Variants in UGT1A6 observed in about 807,000 individuals in gnomAD.
UGT1A6 encodes the protein UDP glucuronosyltransferase family 1 member A6.
In UGT1A6, 32 loss-of-function variants were observed where a neutral mutation model predicts 44.4. The ratio of observed to expected loss-of-function variants is 0.72; its 90% confidence interval spans 0.54 to 0.97. The LOEUF is 0.97. Among genes scored for constraint, UGT1A6 ranks in the 50% least tolerant of loss-of-function variants. UGT1A6 has a pLI of 0.00. For missense variants in UGT1A6, 685 were observed against 661.9 expected (o/e 1.03, Z -0.38); for synonymous variants, 238 against 248.5 (o/e 0.96, Z 0.40).
chr2:233,767,774 T>C lies in UGT1A6; in HGVS notation c.994-75T>C, dbSNP rs749703763. On this transcript the variant is annotated intron_variant, in intron 2 of 4. Transcript: ENST00000305139. ...GTTCCTTCAGAGGACCCCTGTTTTC[T>C]AGTTAGTATAGCAGATTTGTTTTCT... The C allele has an allele frequency of 2.2e-5, 36 of 1,612,214 alleles. No homozygotes were observed. In the South Asian group the frequency reaches 3.9e-4, roughly 17 times the overall value.
chr2:233,743,560 C>T (rs1242175284), intron 1 of UGT1A6: 1 of 1,367,302 alleles, frequency 7.3e-7, no homozygotes. Context: ...AAATATTCTC[C>T]AGCGGGTTTC....
chr2:233,747,565 A>G, intron 1 of UGT1A6: 1 of 1,593,778 alleles, frequency 6.3e-7, no homozygotes, highest in Non-Finnish European at 8.6e-7. Flanking sequence ...GCAATTTTGA[A>G]AAATTCATCT....
chr2:233,712,941 TA>T (rs2076262183), intron 1 of UGT1A6: 1 of 1,612,448 alleles, frequency 6.2e-7, no homozygotes, highest in Non-Finnish European at 8.5e-7. Context: ...GAAACAATTC[TA>T]GGAGGCACAA....
chr2:233,746,859 GC>G lies in UGT1A6; in HGVS notation c.862-20173del, dbSNP rs776256702. Among the ~76,000 whole-genome samples the G allele has an allele frequency of 2.4e-3, 366 of 151,912 alleles. 1 individual carries two copies. Among genetic ancestry groups the G allele is most frequent in the Non-Finnish European group, 3.4e-3 (229 of 68,008 alleles). ...GGGGACCTCTCAGACCTCAGCTGCA[GC>G]CTGATAAACGTGGTTAACAGAGAAG... On this transcript the variant is annotated intron_variant, in intron 1 of 4. Coordinates refer to ENST00000305139, the MANE Select transcript of UGT1A6 (RefSeq NM_001072.4).
intron 1 of UGT1A6, among the ~76,000 whole-genome samples, chr2:233,706,094 T>TA (rs141668784): frequency 0.11 from 16,459 of 151,402 alleles, 1,013 homozygotes; most frequent in South Asian, 0.2. Flanking sequence ...GATTCTGTCT[T>TA]AAAAAAAAAC....
chr2:233,754,442 A>C (rs1695486969), intron 1 of UGT1A6: 2 of 350,172 alleles, frequency 5.7e-6, no homozygotes, highest in African/African-American at 4.3e-5. Flanking sequence ...AGTGTTTATA[A>C]ATTCTTGGGT....
chr2:233,706,605 TAAG>T (rs1165362415), intron 1 of UGT1A6, among the ~76,000 whole-genome samples: 1 of 152,152 alleles, frequency 6.6e-6, no homozygotes, highest in Non-Finnish European at 1.5e-5. Flanking sequence ...AAGTATGTGA[TAAG>T]AAGACTAGAG....
intron 1 of UGT1A6, among the ~76,000 whole-genome samples, chr2:233,751,294 T>C (rs985259482): frequency 6.6e-6 from 1 of 151,990 alleles, no homozygotes; most frequent in African/African-American, 2.4e-5. Flanking sequence ...CCATTTGGAA[T>C]GGGAATATTT....
rs531044910 is a variant in UGT1A6, at chr2:233,751,112, A to G, written c.862-15922A>G. 2.6e-5 allele frequency among the ~76,000 whole-genome samples: 4 copies of G among 152,082 alleles called. No homozygotes were observed. The South Asian group carries it at 8.3e-4, about 32-fold the overall frequency. On this transcript the variant is annotated intron_variant, in intron 1 of 4. Transcript: ENST00000305139. ...GGAGGAGGGCTTTGCCCTGCAAGCCACAGTGTCCAAGTTGCCTGAGACTGT... is the reference window on the plus strand; with the variant it reads ...GGAGGAGGGCTTTGCCCTGCAAGCCGCAGTGTCCAAGTTGCCTGAGACTGT...
intron 1 of UGT1A6, chr2:233,708,819 G>A (rs2076042400): frequency 6.7e-6 from 1 of 148,988 alleles, no homozygotes; most frequent in Non-Finnish European, 1.5e-5. Flanking sequence ...CCAAATTCTT[G>A]ACTCAGTGAA....
At chr2:233,763,091 G>C (rs1453938427) in intron 1 of UGT1A6, among the ~76,000 whole-genome samples, 1 of 152,216 alleles carries the variant, frequency 6.6e-6, no homozygotes, top group Non-Finnish European at 1.5e-5. Context: ...ATGTTTGTAG[G>C]AGAGGCACCG....
chr2:233,755,100 G>A, intron 1 of UGT1A6: 9 of 1,335,078 alleles, frequency 6.7e-6, no homozygotes, highest in South Asian at 1.1e-5. Context: ...CTACGCGTCC[G>A]ACAACACCTC....
chr2:233,715,338 A>T (rs2076446051), intron 1 of UGT1A6, among the ~76,000 whole-genome samples: 1 of 152,002 alleles, frequency 6.6e-6, no homozygotes, highest in East Asian at 1.9e-4. Flanking sequence ...AGATTGGTGC[A>T]TGTAGGTTTG....
At chr2:233,771,398 A>G (rs1700304180) in intron 4 of UGT1A6, 1 of 152,164 alleles carries the variant, frequency 6.6e-6, no homozygotes, top group Non-Finnish European at 1.5e-5. Context: ...TGATTGGGCA[A>G]TGAACACTGT....
intron 1 of UGT1A6, among the ~76,000 whole-genome samples, chr2:233,727,206 C>A (rs1441651485): frequency 6.6e-6 from 1 of 152,164 alleles, no homozygotes; most frequent in Non-Finnish European, 1.5e-5. Flanking sequence ...CTCACTGACA[C>A]CCATGGCTTC....
chr2:233,722,310 C>T (rs1175597546), intron 1 of UGT1A6, among the ~76,000 whole-genome samples: 2 of 152,156 alleles, frequency 1.3e-5, no homozygotes, highest in Non-Finnish European at 2.9e-5. Context: ...CCCTTACTTA[C>T]TTGGTTTGGT....
chr2:233,745,526 T>C (rs1383340744), intron 1 of UGT1A6, among the ~76,000 whole-genome samples: 1 of 151,838 alleles, frequency 6.6e-6, no homozygotes, highest in Admixed American at 6.5e-5. Flanking sequence ...CTAATGGGGA[T>C]GTGTTATGTC....
At chr2:233,758,327 A>G (rs1696843047) in intron 1 of UGT1A6, among the ~76,000 whole-genome samples, 1 of 152,192 alleles carries the variant, frequency 6.6e-6, no homozygotes, top group Non-Finnish European at 1.5e-5. Flanking sequence ...CAGCCTCAAA[A>G]AGCTTGGAAG....
intron 1 of UGT1A6, chr2:233,747,457 T>A: frequency 6.2e-7 from 1 of 1,608,932 alleles, no homozygotes; most frequent in South Asian, 1.1e-5. Flanking sequence ...ACCTATGCCA[T>A]TTCATGGACC....
Sources: gnomAD v4.1 joint callset for allele counts (sites outside exome capture counted in the v4.1 genomes callset) on GRCh38, gnomAD v4.1.1 for gene constraint, MANE v1.5 for transcripts, NCBI Gene and HGNC (gene_info 2026-07-23, HGNC 2026-07-21) for gene names.